GUCY1A2: variants seen among roughly 807,000 people sequenced by gnomAD.
GUCY1A2 encodes the protein guanylate cyclase 1 soluble subunit alpha 2, also known as guanylate cyclase soluble subunit alpha-2.
In GUCY1A2, 27 loss-of-function variants were observed where a neutral mutation model predicts 63.5. That is an observed-to-expected ratio of 0.43 (90% CI 0.31 to 0.59). GUCY1A2 has a LOEUF of 0.59. Ranked by LOEUF, GUCY1A2 falls within the 20% of genes least tolerant of loss-of-function variation. The pLI is 0.11. For synonymous variants in GUCY1A2, 364 were observed against 343.5 expected, an observed-to-expected ratio of 1.06 and a Z score of -0.66; for missense variants, 768 against 913.3, an observed-to-expected ratio of 0.84 and a Z score of 2.05.
intron 4 of GUCY1A2, among the ~76,000 whole-genome samples, chr11:106,902,923 C>G (rs994646904): frequency 2.0e-5 from 3 of 152,104 alleles, no homozygotes; most frequent in African/African-American, 7.2e-5. Context: ...GATTTTGGCA[C>G]CCATGGGAGG....
chr11:106,691,613 C>T (rs1862627061), intron 7 of GUCY1A2, among the ~76,000 whole-genome samples: 1 of 152,118 alleles, frequency 6.6e-6, no homozygotes, highest in Non-Finnish European at 1.5e-5. Context: ...CTTCAGATGT[C>T]AGAACTTTTA....
intron 4 of GUCY1A2, among the ~76,000 whole-genome samples, chr11:106,930,280 C>A (rs1860583333): frequency 1.3e-5 from 2 of 152,060 alleles, no homozygotes; most frequent in South Asian, 2.1e-4. Context: ...TCAAGGTTAC[C>A]CAGCTAGTAA....
chr11:106,800,008 T>A (rs1397007895), intron 5 of GUCY1A2, among the ~76,000 whole-genome samples: 1 of 152,160 alleles, frequency 6.6e-6, no homozygotes, highest in Non-Finnish European at 1.5e-5. Flanking sequence ...AAAGGGCTAA[T>A]ATCCAGAATC....
intron 4 of GUCY1A2, among the ~76,000 whole-genome samples, chr11:106,882,305 G>A (rs1377153185): frequency 6.6e-6 from 1 of 151,942 alleles, no homozygotes; most frequent in Non-Finnish European, 1.5e-5. Context: ...AGTAGGAGTA[G>A]GCTAGGACTT....
In GUCY1A2 at chr11:106,939,511, C is replaced by T. The variant is rs770060756; in HGVS notation, c.1155G>A (p.Pro385=). 34 of 1,611,390 alleles carry T rather than the reference C, an allele frequency of 2.1e-5. No individual in the cohort carries two copies. Among genetic ancestry groups the T allele is most frequent in the Admixed American group, 6.7e-5 (4 of 59,934 alleles). ...CCTCAGGCTTGGTTCTAATCACAAA[C>T]GGGGTAGACAGTCGCAGCAGGACCC... The part of the protein sequence containing the change: ...FERVLLRLST[P]FVIRTKPEAS... The change falls in exon 4 of 8, where the codon CCG becomes CCA. Residue 385 remains proline, a synonymous_variant. Coordinates refer to ENST00000526355, the MANE Select transcript of GUCY1A2 (RefSeq NM_000855.3).
chr11:106,964,174 C>A (rs1479666134), intron 3 of GUCY1A2, among the ~76,000 whole-genome samples: 1 of 152,184 alleles, frequency 6.6e-6, no homozygotes, highest in South Asian at 2.1e-4. Context: ...TTCTAACCCA[C>A]AATCTATATT....
At chr11:106,747,787 G>A (rs1863815418) in intron 6 of GUCY1A2, among the ~76,000 whole-genome samples, 1 of 152,174 alleles carries the variant, frequency 6.6e-6, no homozygotes, top group Non-Finnish European at 1.5e-5. Flanking sequence ...GGGGAGGTCG[G>A]GCTTCCAGGA....
intron 2 of GUCY1A2, among the ~76,000 whole-genome samples, chr11:106,982,950 G>T (rs1478503406): frequency 6.6e-6 from 1 of 152,160 alleles, no homozygotes; most frequent in African/African-American, 2.4e-5. Flanking sequence ...CATTACTTGG[G>T]AACTTGACAG....
chr11:106,856,453 G>C (rs188281715), intron 4 of GUCY1A2, among the ~76,000 whole-genome samples: 5 of 151,488 alleles, frequency 3.3e-5, no homozygotes, highest in African/African-American at 4.9e-5. Context: ...GAAGCTATAC[G>C]AGTTTTGGCA....
intron 1 of GUCY1A2, among the ~76,000 whole-genome samples, chr11:107,001,864 C>G (rs1001538377): frequency 1.3e-5 from 2 of 151,902 alleles, no homozygotes; most frequent in African/African-American, 4.8e-5. Flanking sequence ...ACCAAAAATA[C>G]AAAAATTAGC....
At chr11:106,826,567 C>T (rs1858973894) in intron 4 of GUCY1A2, 2 of 1,600,890 alleles carry the variant, frequency 1.2e-6, no homozygotes, top group African/African-American at 2.7e-5. Flanking sequence ...GTATTCTTGT[C>T]CTTTGGTACA....
chr11:106,893,763 T>C (rs1408576608), intron 4 of GUCY1A2, among the ~76,000 whole-genome samples: 1 of 151,970 alleles, frequency 6.6e-6, no homozygotes, highest in Non-Finnish European at 1.5e-5. Flanking sequence ...AGCAAAAACG[T>C]CCTTGGGAAC....
chr11:106,710,631 T>G (rs901606710), intron 6 of GUCY1A2, among the ~76,000 whole-genome samples: 3 of 151,714 alleles, frequency 2.0e-5, no homozygotes, highest in African/African-American at 7.3e-5. Flanking sequence ...GCTGTGTATT[T>G]ACTCTCTGAT....
chr11:106,936,717 A>AT (rs11331245), intron 4 of GUCY1A2: 14,917 of 1,247,190 alleles, frequency 0.012, no homozygotes, highest in South Asian at 0.028. Context: ...CTTGCTCTTG[A>AT]TTTTTTTTTT....
intron 6 of GUCY1A2, among the ~76,000 whole-genome samples, chr11:106,771,153 C>T (rs775680435): frequency 2.0e-5 from 3 of 152,006 alleles, no homozygotes; most frequent in African/African-American, 4.8e-5. Flanking sequence ...TTCTCATATA[C>T]CCTAGGTACA....
intron 4 of GUCY1A2, among the ~76,000 whole-genome samples, chr11:106,877,264 A>C (rs948484799): frequency 6.6e-6 from 1 of 152,042 alleles, no homozygotes; most frequent in Non-Finnish European, 1.5e-5. Context: ...AGTCATCTGC[A>C]AACAGGGATA....
intron 4 of GUCY1A2, among the ~76,000 whole-genome samples, chr11:106,936,473 T>C (rs530039781): frequency 6.6e-6 from 1 of 152,278 alleles, no homozygotes; most frequent in South Asian, 2.1e-4. Flanking sequence ...AAGATGATGA[T>C]GACAGGAAGT....
At chr11:106,956,761 G>A (rs576748915) in intron 3 of GUCY1A2, among the ~76,000 whole-genome samples, 16 of 152,250 alleles carry the variant, frequency 1.1e-4, no homozygotes, top group East Asian at 7.8e-4. Context: ...TCACCCAATC[G>A]GGTGGCACAG....
chr11:106,874,411 A>G (rs1301616435), intron 4 of GUCY1A2, among the ~76,000 whole-genome samples: 1 of 152,168 alleles, frequency 6.6e-6, no homozygotes, highest in Admixed American at 6.6e-5. Context: ...TGATCTAATT[A>G]TTTATCCAAG....
Sources: allele counts gnomAD v4.1 joint callset (sites outside exome capture counted in the v4.1 genomes callset), GRCh38; gene constraint gnomAD v4.1.1; transcripts MANE v1.5; gene names NCBI Gene and HGNC (gene_info 2026-07-23, HGNC 2026-07-21).